Variants in ABCA13 observed in about 807,000 individuals in gnomAD.
The protein encoded by ABCA13 is ATP-binding cassette sub-family A member 13.
Under a neutral mutation model 478.7 loss-of-function variants are expected in ABCA13, and 476 were observed. That is an observed-to-expected ratio of 0.99 (90% CI 0.92 to 1.07). The LOEUF (loss-of-function observed/expected upper bound fraction) is 1.07. ABCA13 is among the 50% of genes least tolerant of loss of function. The pLI, the probability that ABCA13 is intolerant of heterozygous loss-of-function variation, is 0.00. For missense variants in ABCA13, 6,060 were observed against 5,910.6 expected (o/e 1.03, Z -0.83); for synonymous variants, 2,252 against 2,158.9 (o/e 1.04, Z -1.20).
rs560089293 is a variant in ABCA13, at chr7:48,275,327, C to T, written c.5661C>T (p.Val1887=). The part of the protein sequence containing the change: ...SSRMEITRKV[V]CIIHELVDWN... ...GAATGGAAATAACTAGGAAAGTGGTCTGCATAATTCATGAATTAGTGGACT... is the reference window on the plus strand; with the variant it reads ...GAATGGAAATAACTAGGAAAGTGGTTTGCATAATTCATGAATTAGTGGACT... The change falls in exon 17 of 62, where the codon GTC becomes GTT. Residue 1887 remains valine (V), a synonymous_variant. Coordinates refer to ENST00000435803, the MANE Select transcript of ABCA13 (RefSeq NM_152701.5). 6.2e-7 allele frequency: 1 copy of T among 1,613,934 alleles called. No individual in the cohort carries two copies. The highest frequency in any genetic ancestry group is 1.1e-5 in the South Asian group (1 of 91,076).
chr7:48,453,555 G>A (rs1352821105), intron 42 of ABCA13, among the ~76,000 whole-genome samples: 6 of 152,052 alleles, frequency 3.9e-5, no homozygotes, highest in Non-Finnish European at 7.4e-5. Flanking sequence ...CTTGCTACAC[G>A]GATGTGCCAC....
chr7:48,314,620 C>T (rs1227044470), intron 26 of ABCA13, among the ~76,000 whole-genome samples: 2 of 152,128 alleles, frequency 1.3e-5, no homozygotes, highest in East Asian at 1.9e-4. Flanking sequence ...ACCTGAGTCA[C>T]TAAGGAACTG....
At chr7:48,176,453 C>T (rs1252421125) in intron 1 of ABCA13, among the ~76,000 whole-genome samples, 3 of 152,162 alleles carry the variant, frequency 2.0e-5, no homozygotes, top group Non-Finnish European at 2.9e-5. Flanking sequence ...GAAACCACAT[C>T]CCAGAACCCA....
chr7:48,436,505 A>G (rs543584298), intron 42 of ABCA13, among the ~76,000 whole-genome samples: 1 of 151,638 alleles, frequency 6.6e-6, no homozygotes, highest in African/African-American at 2.4e-5. Context: ...TTGTTTTTCA[A>G]CTTTGTATTT....
chr7:48,442,271 C>T (rs1585340182), intron 42 of ABCA13, among the ~76,000 whole-genome samples: 2 of 75,156 alleles, frequency 2.7e-5, no homozygotes, highest in East Asian at 4.8e-4. Context: ...CTTGGGCTGC[C>T]AAACTGCCAC....
intron 2 of ABCA13, among the ~76,000 whole-genome samples, chr7:48,196,326 G>A (rs1006901811): frequency 6.6e-6 from 1 of 152,128 alleles, no homozygotes; most frequent in Non-Finnish European, 1.5e-5. Context: ...TTTCCTAGAG[G>A]TATGCAGATG....
intron 55 of ABCA13, among the ~76,000 whole-genome samples, chr7:48,558,659 T>C (rs1786121099): frequency 6.6e-6 from 1 of 152,114 alleles, no homozygotes; most frequent in Non-Finnish European, 1.5e-5. Flanking sequence ...TCAATCTCTT[T>C]ATTAAATTTA....
chr7:48,617,380 G>A (rs955641575), intron 59 of ABCA13, among the ~76,000 whole-genome samples: 1 of 152,192 alleles, frequency 6.6e-6, no homozygotes, highest in Non-Finnish European at 1.5e-5. Context: ...GAGGTTCTGA[G>A]GAGATAACTC....
chr7:48,325,837 A>G (rs1324917157), intron 27 of ABCA13, among the ~76,000 whole-genome samples: 1 of 152,222 alleles, frequency 6.6e-6, no homozygotes, highest in Non-Finnish European at 1.5e-5. Context: ...TGACTTCCCC[A>G]TCCAGGCTTG....
At chr7:48,271,691 G>T in intron 16 of ABCA13, 96 bp from the exon 17 acceptor site, 1 of 725,312 alleles carries the variant, frequency 1.4e-6, no homozygotes. Flanking sequence ...TGTTTCATTT[G>T]TGTTTTACTA....
Position 48,329,245 on chromosome 7 carries a change from T to G in ABCA13, c.10000-6177T>G, listed in dbSNP as rs145890667. ...ACATTGAAGAACCAATAACGATGCT[T>G]CTTCTGCATTTGAAACTGGGCTTCT... On this transcript the variant is annotated intron_variant, in intron 27 of 61. Transcript: ENST00000435803. Among the ~76,000 whole-genome samples, 178 of 152,326 alleles carry G rather than the reference T, an allele frequency of 1.2e-3. 1 individual carries two copies. Among genetic ancestry groups the G allele is most frequent in the African/African-American group, 4.0e-3 (168 of 41,566 alleles).
rs141075248 is a variant in ABCA13 at position 48,276,689 on chromosome 7, GT to G, written c.6899+125del. ...CTAATACCTTTGAAAGATCTTTGAT[GT>G]AAATTTGTCTTAATAAATATTTTAT... On this transcript the variant is annotated intron_variant, in intron 17 of 61. Coordinates refer to ENST00000435803, the MANE Select transcript of ABCA13 (RefSeq NM_152701.5). The G allele has an allele frequency of 9.3e-3, 6,969 of 751,180 alleles. 50 individuals are homozygous for G. The highest frequency in any genetic ancestry group is 0.036 in the Middle Eastern group (92 of 2,574). 46.5% of individuals were successfully genotyped at this position (751,180 alleles called of 1,614,324 possible).
intron 27 of ABCA13, among the ~76,000 whole-genome samples, chr7:48,318,479 G>T (rs536949458): frequency 1.6e-4 from 24 of 151,516 alleles, no homozygotes; most frequent in African/African-American, 1.9e-4. Context: ...GAGATTACAG[G>T]TGTGTGCCCC....
In ABCA13 at chr7:48,335,446, G is replaced by C. The variant is rs1356522266; in HGVS notation, c.10024G>C (p.Asp3342His). The change falls in exon 28 of 62, where the codon GAC becomes CAC. Residue 3342 changes from aspartate (D) to histidine (H), a missense_variant. Physicochemically the swap from Asp to His is moderately conservative, Grantham distance 81 (BLOSUM62 -1). Transcript: ENST00000435803. ...GGCTAATTACACCTTTTATATTGTG[G>C]ACAAACTAAAAACTTTATCAGAAAC... is the stretch of plus-strand genomic sequence containing the variant. ...QKANYTFYIVDKLKTLSETLL... is the reference protein window; with the variant it reads ...QKANYTFYIVHKLKTLSETLL... 1 of 1,611,756 alleles carries C rather than the reference G, an allele frequency of 6.2e-7. No homozygotes were observed. The highest frequency in any genetic ancestry group is 1.1e-5 in the South Asian group (1 of 90,654).
chr7:48,407,702 G>A (rs1177971938), intron 39 of ABCA13, among the ~76,000 whole-genome samples: 1 of 151,670 alleles, frequency 6.6e-6, no homozygotes, highest in Non-Finnish European at 1.5e-5. Flanking sequence ...GATTACAGGT[G>A]TGCACCACCA....
intron 45 of ABCA13, among the ~76,000 whole-genome samples, chr7:48,472,044 G>A (rs1270756265): frequency 6.6e-6 from 1 of 152,146 alleles, no homozygotes; most frequent in Non-Finnish European, 1.5e-5. Context: ...TGTGGAAGTA[G>A]GTGTGCCACT....
intron 56 of ABCA13, among the ~76,000 whole-genome samples, chr7:48,583,010 G>T (rs1788848966): frequency 6.6e-6 from 1 of 152,286 alleles, no homozygotes; most frequent in Non-Finnish European, 1.5e-5. Flanking sequence ...AGTTCATCAT[G>T]CTAGGTAGTT....
intron 55 of ABCA13, among the ~76,000 whole-genome samples, chr7:48,556,804 C>T (rs1290187093): frequency 6.6e-6 from 1 of 151,732 alleles, no homozygotes; most frequent in Non-Finnish European, 1.5e-5. Context: ...AACTTACACT[C>T]AATATTATTG....
chr7:48,523,571 A>T (rs914336808), intron 53 of ABCA13, among the ~76,000 whole-genome samples: 3 of 151,836 alleles, frequency 2.0e-5, no homozygotes, highest in Non-Finnish European at 4.4e-5. Flanking sequence ...ATCATTAAAT[A>T]TATTTTAAAT....
Sources: gnomAD v4.1 joint callset for allele counts (sites outside exome capture counted in the v4.1 genomes callset) on GRCh38, gnomAD v4.1.1 for gene constraint, MANE v1.5 for transcripts, NCBI Gene and HGNC (gene_info 2026-07-23, HGNC 2026-07-21) for gene names.